The following CD96 variants were observed in gnomAD, a reference collection of about 807,000 sequenced individuals.
The protein encoded by CD96 is T-cell surface protein tactile.
CD96 carries 70 observed loss-of-function variants against 71.3 expected under a neutral mutation model. The ratio of observed to expected loss-of-function variants is 0.98; its 90% CI spans 0.81 to 1.20. The LOEUF (loss-of-function observed/expected upper bound fraction) is 1.20. Ranked by LOEUF, CD96 falls within the 50% of genes most tolerant of loss-of-function variation. The probability of loss-of-function intolerance (pLI) is 0.00; values close to 1 mark genes in which losing one functional copy is unlikely to be tolerated. For missense variants in CD96, 742 were observed against 677.5 expected, an observed-to-expected ratio of 1.10 and a Z score of -1.06; for synonymous variants, 248 against 233.0, an observed-to-expected ratio of 1.06 and a Z score of -0.59.
At chr3:111,593,344 A>C (rs1293480923) in intron 5 of CD96, 1 of 510,916 alleles carries the variant, frequency 2.0e-6, no homozygotes, top group Non-Finnish European at 3.1e-6. Flanking sequence ...GTTTCGGCCA[A>C]GGGTCAGCAG....
At chr3:111,611,029 G>A (rs1937898934) in intron 8 of CD96, among the ~76,000 whole-genome samples, 1 of 152,198 alleles carries the variant, frequency 6.6e-6, no homozygotes. Context: ...GATCCTGTGT[G>A]ACCCACTTGC....
chr3:111,597,855 A>T (rs1937329046), intron 5 of CD96, among the ~76,000 whole-genome samples: 1 of 152,196 alleles, frequency 6.6e-6, no homozygotes, highest in African/African-American at 2.4e-5. Context: ...AGAACCCAGA[A>T]TCCAGACTTG....
intron 13 of CD96, among the ~76,000 whole-genome samples, chr3:111,648,788 T>C (rs1939948789): frequency 6.6e-6 from 1 of 152,222 alleles, no homozygotes; most frequent in African/African-American, 2.4e-5. Context: ...TGCTATGGAT[T>C]GCCAGGGCAT....
intron 5 of CD96, chr3:111,593,748 A>G: frequency 6.2e-7 from 1 of 1,613,840 alleles, no homozygotes; most frequent in Non-Finnish European, 8.5e-7. Context: ...TGGCTGGCCC[A>G]CAAAGCCATG....
At chr3:111,575,467 C>G (rs1936180193) in intron 3 of CD96, among the ~76,000 whole-genome samples, 1 of 152,164 alleles carries the variant, frequency 6.6e-6, no homozygotes, top group African/African-American at 2.4e-5. Flanking sequence ...GTTTAAGGAA[C>G]AGTATTTTCC....
At chr3:111,610,040 A>G (rs1052844364) in intron 8 of CD96, among the ~76,000 whole-genome samples, 3 of 152,236 alleles carry the variant, frequency 2.0e-5, no homozygotes, top group Non-Finnish European at 4.4e-5. Context: ...GCCAAGGCCA[A>G]GAAGACTTGT....
intron 2 of CD96, among the ~76,000 whole-genome samples, chr3:111,559,976 CT>C (rs1263683713): frequency 1.0e-5 from 1 of 95,914 alleles, no homozygotes; most frequent in African/African-American, 3.9e-5. Context: ...CCTTCTTTGT[CT>C]CTTTTGATCT....
At chr3:111,585,472 A>G in intron 5 of CD96, 94 bp downstream of exon 5, 1 of 817,738 alleles carries the variant, frequency 1.2e-6, no homozygotes, top group Admixed American at 1.8e-5. Context: ...AAAGAACTTT[A>G]CTCCTTGGCC....
At chr3:111,609,707 G>A (rs987265968) in intron 8 of CD96, among the ~76,000 whole-genome samples, 1 of 152,154 alleles carries the variant, frequency 6.6e-6, no homozygotes, top group African/African-American at 2.4e-5. Flanking sequence ...AAAAAGCAGG[G>A]GGGAAAAATG....
At chr3:111,635,768 C>T (rs1021745884) in intron 10 of CD96, among the ~76,000 whole-genome samples, 7 of 152,170 alleles carry the variant, frequency 4.6e-5, no homozygotes, top group East Asian at 1.9e-4. Context: ...TAGACTTTAG[C>T]GTAAATTAAT....
Position 111,641,846 on chromosome 3 carries a change from C to A in CD96, c.1477+3678C>A, listed in dbSNP as rs180959382. 3.2e-3 allele frequency among the ~76,000 whole-genome samples: 493 copies of A among 152,276 alleles called. 3 individuals carry two copies. Among genetic ancestry groups the A allele is most frequent in the African/African-American group, 0.011 (437 of 41,564 alleles). ...AACTGGAAATCAACTCCAGAAGGAA[C>A]CTTCAAAACCACGCAAATACACGAA... is the stretch of plus-strand genomic sequence containing the variant. On this transcript the variant is annotated intron_variant, in intron 12 of 13. Coordinates refer to ENST00000352690, the MANE Select transcript of CD96 (RefSeq NM_005816.5).
intron 10 of CD96, among the ~76,000 whole-genome samples, chr3:111,636,601 G>A (rs927068724): frequency 4.6e-5 from 7 of 152,192 alleles, no homozygotes; most frequent in African/African-American, 1.4e-4. Flanking sequence ...CATATGTGCT[G>A]TCTGAGTTTG....
rs566859476 is a variant in CD96 at position 111,596,793 on chromosome 3, T to C, written c.808-1327T>C. On this transcript the variant is annotated intron_variant, in intron 5 of 13. Transcript: ENST00000352690. ...TCTGGTTTTGCTTTTAATTTTTTAG[T>C]GGAGAGACTAGCATCCCTGGCCCAT... Among the ~76,000 whole-genome samples, 8 of 152,340 alleles carry C rather than the reference T, an allele frequency of 5.3e-5. No homozygotes were observed. In the East Asian group the frequency reaches 1.5e-3, roughly 29 times the overall value.
chr3:111,639,447 C>T (rs1189564341), intron 12 of CD96, among the ~76,000 whole-genome samples: 1 of 152,284 alleles, frequency 6.6e-6, no homozygotes, highest in African/African-American at 2.4e-5. Flanking sequence ...GGGAATCTCA[C>T]CCCCATCCCC....
chr3:111,544,347 G>C (rs1236794026), intron 1 of CD96, among the ~76,000 whole-genome samples: 1 of 152,090 alleles, frequency 6.6e-6, no homozygotes, highest in African/African-American at 2.4e-5. Context: ...GTTTTGCCGT[G>C]TTGGCCAGGA....
intron 12 of CD96, among the ~76,000 whole-genome samples, chr3:111,644,778 A>T (rs1182041162): frequency 6.6e-6 from 1 of 152,222 alleles, no homozygotes; most frequent in Non-Finnish European, 1.5e-5. Flanking sequence ...GCTCAACATC[A>T]CTAATAATCA....
rs1940044043 is a variant in CD96 at position 111,650,851 on chromosome 3, T to G, written c.*1045T>G. 1 of 152,212 alleles carries G rather than the reference T, an allele frequency of 6.6e-6. No homozygotes were observed. The highest frequency in any genetic ancestry group is 6.5e-5 in the Admixed American group (1 of 15,286). The allele number at this position is 152,212 out of a possible 1,614,324, so 9.4% of individuals were successfully genotyped here. ...AGCAATAGTTTGTGAATGAATAAATTACTAATCCTCCTTGTCGCTTGAAAC... is the reference window on the plus strand; with the variant it reads ...AGCAATAGTTTGTGAATGAATAAATGACTAATCCTCCTTGTCGCTTGAAAC... On this transcript the variant is annotated 3_prime_UTR_variant, in exon 14 of 14. Coordinates refer to ENST00000352690, the MANE Select transcript of CD96 (RefSeq NM_005816.5).
At chr3:111,664,663 A>G (rs746333551) in intron 14 of CD96, among the ~76,000 whole-genome samples, 3 of 152,214 alleles carry the variant, frequency 2.0e-5, no homozygotes, top group Non-Finnish European at 2.9e-5. Context: ...ATAAAAGTTG[A>G]AATTTTAAAC....
chr3:111,558,057 G>A (rs1935167763), intron 2 of CD96, among the ~76,000 whole-genome samples: 1 of 149,318 alleles, frequency 6.7e-6, no homozygotes, highest in Admixed American at 6.7e-5. Flanking sequence ...CATTGATTCT[G>A]TATCCTGAGA....
Sources: gnomAD v4.1 joint callset for allele counts (sites outside exome capture counted in the v4.1 genomes callset) on GRCh38, gnomAD v4.1.1 for gene constraint, MANE v1.5 for transcripts, NCBI Gene and HGNC (gene_info 2026-07-23, HGNC 2026-07-21) for gene names.